CPLX2: variants seen among roughly 807,000 people sequenced by gnomAD.
CPLX2 encodes complexin 2.
In CPLX2, 5 loss-of-function variants were observed where a neutral mutation model predicts 16.3. The ratio of observed to expected loss-of-function variants is 0.31; its 90% CI spans 0.16 to 0.64. The LOEUF is 0.64. Ranked by LOEUF, CPLX2 falls within the 30% of genes least tolerant of loss-of-function variation. The pLI, the probability that CPLX2 is intolerant of heterozygous loss-of-function variation, is 0.79. For missense variants in CPLX2, 144 were observed against 181.4 expected, an observed-to-expected ratio of 0.79 and a Z score of 1.18; for synonymous variants, 89 against 73.2, an observed-to-expected ratio of 1.22 and a Z score of -1.10.
chr5:175,877,027 T>A (rs1445942133), intron 1 of CPLX2, among the ~76,000 whole-genome samples: 1 of 152,150 alleles, frequency 6.6e-6, no homozygotes, highest in Non-Finnish European at 1.5e-5. Context: ...TATGAGTTCC[T>A]GCAACACCCC....
chr5:175,815,760 T>G (rs954253577), intron 2 of CPLX2, among the ~76,000 whole-genome samples: 8 of 152,204 alleles, frequency 5.3e-5, no homozygotes, highest in African/African-American at 1.9e-4. Context: ...TTCTTTGGAC[T>G]CCCACAGACC....
chr5:175,816,119 C>T (rs1291113405), intron 2 of CPLX2, among the ~76,000 whole-genome samples: 2 of 152,292 alleles, frequency 1.3e-5, no homozygotes, highest in South Asian at 2.1e-4. Flanking sequence ...GGATCTAGGC[C>T]GGCTCCGCCA....
intron 2 of CPLX2, among the ~76,000 whole-genome samples, chr5:175,820,989 G>A (rs1158057775): frequency 6.6e-6 from 1 of 152,116 alleles, no homozygotes; most frequent in South Asian, 2.1e-4. Flanking sequence ...GTCCTTCTCT[G>A]GTTTGGGCTC....
At position 175,809,722 on chromosome 5, in the gene CPLX2, G is replaced by A. The variant is rs1002360017; in HGVS notation, c.-89+654G>A. Among the ~76,000 whole-genome samples the A allele has an allele frequency of 3.3e-5, 5 of 151,932 alleles. No individual in the cohort carries two copies. Among genetic ancestry groups the A allele is most frequent in the African/African-American group, 1.2e-4 (5 of 41,350 alleles). Reference sequence around the variant, plus strand: ...GGCCGGCCAAGCTCGGATCACACCCGGCATCCCTCATCCACATCGCCTCTT... The same window carrying A: ...GGCCGGCCAAGCTCGGATCACACCCAGCATCCCTCATCCACATCGCCTCTT... On this transcript the variant is annotated intron_variant, in intron 2 of 4. Transcript: ENST00000359546. The surrounding 1 kb of genome is among the most constrained non-coding windows in gnomAD (Gnocchi z 4.4).
chr5:175,834,772 G>A (rs1329592575), intron 2 of CPLX2, among the ~76,000 whole-genome samples: 1 of 152,240 alleles, frequency 6.6e-6, no homozygotes, highest in Non-Finnish European at 1.5e-5. Context: ...TACTCAGGAG[G>A]CTGAGGCAGG....
chr5:175,835,914 T>G (rs1758824086), intron 2 of CPLX2, among the ~76,000 whole-genome samples: 1 of 151,802 alleles, frequency 6.6e-6, no homozygotes. Context: ...AAGTTTCATA[T>G]TTTTAGTAGA....
intron 3 of CPLX2, 129 bp downstream of exon 3, chr5:175,879,212 C>A: frequency 1.0e-6 from 1 of 1,001,968 alleles, no homozygotes; most frequent in Non-Finnish European, 1.4e-6. Context: ...CCTCACTCTT[C>A]TCATCAGCAA....
intron 2 of CPLX2, among the ~76,000 whole-genome samples, chr5:175,847,160 C>T (rs1422094199): frequency 6.6e-6 from 1 of 152,160 alleles, no homozygotes; most frequent in African/African-American, 2.4e-5. Flanking sequence ...GTGAGGCCAC[C>T]GCAGGAAGTT....
chr5:175,842,900 C>A (rs1758970167), intron 2 of CPLX2, among the ~76,000 whole-genome samples: 1 of 152,226 alleles, frequency 6.6e-6, no homozygotes, highest in Admixed American at 6.5e-5. Context: ...GGCACCCATG[C>A]TCTGAAGAGA....
chr5:175,852,801 C>A (rs565554874), intron 2 of CPLX2, among the ~76,000 whole-genome samples: 1 of 152,250 alleles, frequency 6.6e-6, no homozygotes, highest in East Asian at 1.9e-4. Flanking sequence ...GAAAGCAGGG[C>A]GGGCAGGTGA....
chr5:175,851,316 G>A (rs1446727464), intron 2 of CPLX2, among the ~76,000 whole-genome samples: 1 of 152,148 alleles, frequency 6.6e-6, no homozygotes, highest in African/African-American at 2.4e-5. Context: ...GAAGGGCCAC[G>A]GTGAAGCCTG....
intron 1 of CPLX2, among the ~76,000 whole-genome samples, chr5:175,802,507 C>T (rs763160855): frequency 8.5e-5 from 13 of 152,198 alleles, no homozygotes; most frequent in Non-Finnish European, 1.8e-4. Context: ...CATTAGAATT[C>T]CTGTCTCTGA....
intron 1 of CPLX2, among the ~76,000 whole-genome samples, chr5:175,799,371 C>T (rs1758045762): frequency 6.6e-6 from 1 of 151,670 alleles, no homozygotes; most frequent in Non-Finnish European, 1.5e-5. Context: ...GTGCAGAGAC[C>T]AGAACCGAGA....
chr5:175,853,420 C>T (rs193153957), intron 2 of CPLX2, among the ~76,000 whole-genome samples: 44 of 152,184 alleles, frequency 2.9e-4, no homozygotes, highest in Admixed American at 2.6e-3. Flanking sequence ...TCTTGTCTTT[C>T]AGGGTTGTAC....
Position 175,880,021 on chromosome 5 carries a change from G to C in CPLX2, c.381G>C (p.Pro127=). The C allele has an allele frequency of 6.2e-7, 1 of 1,613,298 alleles. No homozygotes were observed. The highest frequency in any genetic ancestry group is 1.7e-5 in the Admixed American group (1 of 59,930). Reference sequence around the variant, plus strand: ...CGGTGCTCAAATACCTGCCCGGGCCGCTGCAGGACATGTTCAAGAAGTAAC... The same window carrying C: ...CGGTGCTCAAATACCTGCCCGGGCCCCTGCAGGACATGTTCAAGAAGTAAC... ...LDTVLKYLPG[P]LQDMFKK The change falls in exon 4 of 4, where the codon CCG becomes CCC. Residue 127 remains proline, a synonymous_variant. Transcript: ENST00000393745.
At chr5:175,875,913 G>C (rs1388830976) in intron 1 of CPLX2, among the ~76,000 whole-genome samples, 1 of 152,036 alleles carries the variant, frequency 6.6e-6, no homozygotes, top group Non-Finnish European at 1.5e-5. Flanking sequence ...GTGGTGAGTA[G>C]AGGTACTTTG....
At position 175,830,074 on chromosome 5, in the gene CPLX2, G is replaced by A. The variant is rs759913701; in HGVS notation, c.-89+21006G>A. ...TCCACCAGCGTGGCTGCGGCCCTCC[G>A]TGCTCTCTGGGGTTCTGAAAACAGA... On this transcript the variant is annotated intron_variant, in intron 2 of 4. Transcript: ENST00000359546. This position sits in a 1 kb window ranked among gnomAD's most constrained non-coding sequence, Gnocchi z 4.0. 1.3e-5 allele frequency among the ~76,000 whole-genome samples: 2 copies of A among 152,204 alleles called. No individual in the cohort carries two copies. The highest frequency in any genetic ancestry group is 1.5e-5 in the Non-Finnish European group (1 of 68,036).
rs370776779 is a variant in CPLX2, at chr5:175,823,675, G to T, written c.-89+14607G>T. ...AAGGTTACAGGGGAGGCAGCAAAGT[G>T]GGGGGAGCCAAAATCAGACAGCACC... On this transcript the variant is annotated intron_variant, in intron 2 of 4. Coordinates refer to the CPLX2 transcript ENST00000359546. 4.6e-5 allele frequency among the ~76,000 whole-genome samples: 7 copies of T among 152,266 alleles called. No individual in the cohort carries two copies. The East Asian group carries it at 9.6e-4, about 21-fold the overall frequency.
At chr5:175,821,143 C>A (rs1758500736) in intron 2 of CPLX2, among the ~76,000 whole-genome samples, 1 of 152,178 alleles carries the variant, frequency 6.6e-6, no homozygotes, top group South Asian at 2.1e-4. Flanking sequence ...TCCTCCCAAT[C>A]CTACTGGATC....
Sources: allele counts gnomAD v4.1 joint callset (sites outside exome capture counted in the v4.1 genomes callset), GRCh38; gene constraint gnomAD v4.1.1; non-coding constraint Gnocchi (gnomAD v3.1); transcripts MANE v1.5; gene names NCBI Gene and HGNC (gene_info 2026-07-23, HGNC 2026-07-21).